MAF: variants seen among roughly 807,000 people sequenced by gnomAD.
MAF encodes the protein transcription factor Maf.
A neutral mutation model predicts 22.0 loss-of-function variants in MAF; 10 were observed. The ratio of observed to expected loss-of-function variants is 0.45; its 90% CI spans 0.28 to 0.77. The LOEUF is 0.77. MAF is among the 30% of genes least tolerant of loss of function. MAF has a pLI of 0.12. For synonymous variants in MAF, 337 were observed against 255.8 expected, an observed-to-expected ratio of 1.32 and a Z score of -3.03; for missense variants, 544 against 548.4, an observed-to-expected ratio of 0.99 and a Z score of 0.08.
At chr16:79,387,240 G>A in the MAF span, among the ~76,000 whole-genome samples, 3 of 152,198 alleles carry the variant, frequency 2.0e-5, no homozygotes, top group Non-Finnish European at 4.4e-5. Context: ...GTGCTGCTAA[G>A]CATTTGCATT....
chr16:79,569,201 G>C, the MAF span, among the ~76,000 whole-genome samples: 33 of 152,320 alleles, frequency 2.2e-4, no homozygotes, highest in African/African-American at 7.9e-4. Context: ...ATAACGCTTT[G>C]TGGGAGGGTC....
chr16:79,223,377 A>G, the MAF span, among the ~76,000 whole-genome samples: 1 of 152,132 alleles, frequency 6.6e-6, no homozygotes, highest in African/African-American at 2.4e-5. Context: ...GTAGAGGGAA[A>G]TTTATAGCAC....
chr16:79,476,885 G>C, the MAF span, among the ~76,000 whole-genome samples: 2 of 152,262 alleles, frequency 1.3e-5, no homozygotes, highest in East Asian at 3.9e-4. Context: ...TCCTGCGGGA[G>C]CTCCTGTGTG....
Position 79,596,085 on chromosome 16 carries a change from G to A in MAF, c.1119-1532C>T, listed in dbSNP as rs138558992. ...TTTCTCTTTACCGTTCAATGCATAT[G>A]TGCGCAAGCCACCTCTGATGCGCCA... On this transcript the variant is annotated intron_variant, in intron 1 of 1. Transcript: ENST00000326043. 126 of 1,062,426 alleles carry A rather than the reference G, an allele frequency of 1.2e-4. 1 individual carries two copies. In the East Asian group the frequency reaches 6.1e-3, roughly 52 times the overall value. The allele number at this position is 1,062,426 out of a possible 1,614,324, so 65.8% of individuals were successfully genotyped here.
At chr16:79,445,295 G>A in the MAF span, among the ~76,000 whole-genome samples, 3 of 151,914 alleles carry the variant, frequency 2.0e-5, no homozygotes, top group South Asian at 2.1e-4. Context: ...TGCCCGCCTT[G>A]GCCTCCCAAA....
intron 1 of MAF, chr16:79,598,434 CG>C (rs1159702744): frequency 9.5e-5 from 27 of 284,432 alleles, no homozygotes; most frequent in South Asian, 6.4e-4. Flanking sequence ...TGTGCAAGTC[CG>C]GGGGTGGGGC....
chr16:79,477,344 G>A, the MAF span, among the ~76,000 whole-genome samples: 1 of 152,188 alleles, frequency 6.6e-6, no homozygotes, highest in Non-Finnish European at 1.5e-5. Context: ...AGAAATTGAA[G>A]TGGCTGTTCA....
chr16:79,571,530 A>ATTTTTTTTTTTTTTTTTTTTTTT, the MAF span, among the ~76,000 whole-genome samples: 26 of 103,864 alleles, frequency 2.5e-4, no homozygotes, highest in African/African-American at 9.3e-4. Context: ...TCTCAGCGGA[A>ATTTTTTTTTTTTTTTTTTTTTTT]TTTTTTTTTT....
chr16:79,270,900 G>GTTTT, the MAF span, among the ~76,000 whole-genome samples: 20 of 144,322 alleles, frequency 1.4e-4, no homozygotes, highest in East Asian at 2.0e-4. Flanking sequence ...CATGGCCAGA[G>GTTTT]TTTTTTTTTT....
the MAF span, among the ~76,000 whole-genome samples, chr16:79,239,443 T>C: frequency 1.1e-4 from 17 of 152,050 alleles, no homozygotes; most frequent in Non-Finnish European, 2.2e-4. Flanking sequence ...GGGGATGGTT[T>C]GTAGGGAACA....
the MAF span, among the ~76,000 whole-genome samples, chr16:79,556,699 C>T: frequency 1.2e-4 from 19 of 152,312 alleles, no homozygotes; most frequent in Middle Eastern, 3.4e-3. Flanking sequence ...ATTAGACTTA[C>T]ATTTCAGCTA....
the MAF span, among the ~76,000 whole-genome samples, chr16:79,319,172 C>A: frequency 6.6e-6 from 1 of 152,106 alleles, no homozygotes; most frequent in Non-Finnish European, 1.5e-5. Context: ...GGTGTCAATG[C>A]CTACTTTGGG....
At chr16:79,460,714 C>T in the MAF span, among the ~76,000 whole-genome samples, 3 of 152,106 alleles carry the variant, frequency 2.0e-5, no homozygotes, top group Non-Finnish European at 2.9e-5. Context: ...TTTGAACCTA[C>T]CTTCTAAGAC....
chr16:79,473,189 C>G, the MAF span, among the ~76,000 whole-genome samples: 1 of 152,120 alleles, frequency 6.6e-6, no homozygotes, highest in African/African-American at 2.4e-5. Flanking sequence ...GGAACAGCCA[C>G]AGGCAGTCAT....
the MAF span, chr16:79,264,399 G>C: frequency 1.3e-5 from 2 of 152,194 alleles, no homozygotes; most frequent in Non-Finnish European, 2.9e-5. Context: ...CAATGGCCAA[G>C]TCATCAGTTA....
At chr16:79,458,493 G>A in the MAF span, among the ~76,000 whole-genome samples, 1 of 152,146 alleles carries the variant, frequency 6.6e-6, no homozygotes, top group Admixed American at 6.5e-5. Flanking sequence ...AATTTACAAT[G>A]AGGTGAAAAA....
At chr16:79,436,030 A>G in the MAF span, among the ~76,000 whole-genome samples, 1 of 152,202 alleles carries the variant, frequency 6.6e-6, no homozygotes. Flanking sequence ...TGCAAAACCT[A>G]TGACTCAATT....
At chr16:79,502,795 G>C in the MAF span, among the ~76,000 whole-genome samples, 2 of 139,996 alleles carry the variant, frequency 1.4e-5, no homozygotes, top group South Asian at 4.5e-4. Context: ...TGTGGAGAGT[G>C]GTAGGGGATT....
At chr16:79,432,376 C>G in the MAF span, among the ~76,000 whole-genome samples, 3 of 152,074 alleles carry the variant, frequency 2.0e-5, no homozygotes, top group Admixed American at 1.3e-4. Flanking sequence ...CTAATACACC[C>G]TATATATACA....
Sources: allele counts gnomAD v4.1 joint callset (sites outside exome capture counted in the v4.1 genomes callset), GRCh38; gene constraint gnomAD v4.1.1; transcripts MANE v1.5; gene names NCBI Gene and HGNC (gene_info 2026-07-23, HGNC 2026-07-21).